Variants in IQCM observed in about 807,000 individuals in gnomAD.
The protein encoded by IQCM is IQ motif containing M, also known as IQ domain-containing protein M.
Under a neutral mutation model 57.6 loss-of-function variants are expected in IQCM, and 45 were observed. The ratio of observed to expected loss-of-function variants is 0.78; its 90% CI spans 0.62 to 1.00. The LOEUF is 1.00. Ranked by LOEUF, IQCM falls within the 50% of genes least tolerant of loss-of-function variation. IQCM has a pLI of 0.00. For synonymous variants in IQCM, 148 were observed against 158.9 expected, an observed-to-expected ratio of 0.93 and a Z score of 0.51; for missense variants, 468 against 511.6, an observed-to-expected ratio of 0.91 and a Z score of 0.82.
intron 13 of IQCM, among the ~76,000 whole-genome samples, chr4:149,420,263 C>G (rs1165172736): frequency 6.6e-6 from 1 of 152,110 alleles, no homozygotes; most frequent in Admixed American, 6.6e-5. Flanking sequence ...CAATGATAGA[C>G]TAGATAAAGA....
chr4:149,509,388 T>C (rs1744172251), intron 12 of IQCM, among the ~76,000 whole-genome samples: 1 of 152,062 alleles, frequency 6.6e-6, no homozygotes, highest in African/African-American at 2.4e-5. Flanking sequence ...AAGTGATTTT[T>C]CTGCCTCAGT....
At chr4:149,686,550 A>C in intron 5 of IQCM, 82 bp from the exon 6 acceptor site, 1 of 477,516 alleles carries the variant, frequency 2.1e-6, no homozygotes, top group East Asian at 3.6e-5. Flanking sequence ...TGCAAATCAC[A>C]GATTTTTAAT....
At chr4:149,434,279 C>T (rs1423790609) in intron 12 of IQCM, among the ~76,000 whole-genome samples, 1 of 152,076 alleles carries the variant, frequency 6.6e-6, no homozygotes, top group Non-Finnish European at 1.5e-5. Context: ...TCTTTGTCAG[C>T]TGAACATGAC....
At chr4:149,792,177 T>C (rs374742757) in intron 2 of IQCM, among the ~76,000 whole-genome samples, 131 of 152,302 alleles carry the variant, frequency 8.6e-4, no homozygotes, top group Non-Finnish European at 1.0e-3. Context: ...CTGAATAGTA[T>C]AGGTTATATT....
At chr4:149,782,450 A>T (rs964713980) in intron 2 of IQCM, among the ~76,000 whole-genome samples, 6 of 151,268 alleles carry the variant, frequency 4.0e-5, no homozygotes, top group Admixed American at 1.3e-4. Context: ...TCTCTCTACA[A>T]TTTTTTTTTA....
chr4:149,501,385 A>C (rs548417909), intron 12 of IQCM, among the ~76,000 whole-genome samples: 1 of 152,302 alleles, frequency 6.6e-6, no homozygotes, highest in Non-Finnish European at 1.5e-5. Context: ...TTGATAAATA[A>C]AACCAACTTG....
intron 7 of IQCM, among the ~76,000 whole-genome samples, chr4:149,631,668 T>G (rs1328626949): frequency 6.6e-6 from 1 of 152,204 alleles, no homozygotes; most frequent in Non-Finnish European, 1.5e-5. Context: ...TAGCTTTTGG[T>G]TTGATCAATT....
At chr4:149,726,491 T>G (rs538571664) in intron 5 of IQCM, among the ~76,000 whole-genome samples, 2 of 152,316 alleles carry the variant, frequency 1.3e-5, no homozygotes, top group Admixed American at 6.5e-5. Flanking sequence ...TTCTGCTTCC[T>G]TTGCTGGATA....
At chr4:149,494,511 TG>T (rs1477943244) in intron 12 of IQCM, among the ~76,000 whole-genome samples, 3 of 152,098 alleles carry the variant, frequency 2.0e-5, no homozygotes, top group Admixed American at 2.0e-4. Context: ...TCAATTTTCA[TG>T]TTTGTGCCCA....
At chr4:149,627,802 A>G (rs1756940170) in intron 7 of IQCM, among the ~76,000 whole-genome samples, 1 of 152,170 alleles carries the variant, frequency 6.6e-6, no homozygotes, top group Non-Finnish European at 1.5e-5. Flanking sequence ...GGGGAGGGAG[A>G]TTATCCGGGA....
At chr4:149,493,947 G>T (rs1210864614) in intron 12 of IQCM, among the ~76,000 whole-genome samples, 1 of 151,048 alleles carries the variant, frequency 6.6e-6, no homozygotes, top group African/African-American at 2.4e-5. Context: ...CTGAAGAGCA[G>T]AATTATAATC....
At chr4:149,353,133 T>C (rs1345977482) in intron 13 of IQCM, among the ~76,000 whole-genome samples, 2 of 152,114 alleles carry the variant, frequency 1.3e-5, no homozygotes, top group Non-Finnish European at 2.9e-5. Flanking sequence ...AGGACCTGAA[T>C]AGGCATTTTT....
intron 13 of IQCM, among the ~76,000 whole-genome samples, chr4:149,401,157 T>C (rs537576827): frequency 2.6e-5 from 4 of 151,810 alleles, no homozygotes; most frequent in Admixed American, 2.0e-4. Flanking sequence ...GATACGATGA[T>C]GTAAGTCCCC....
intron 12 of IQCM, among the ~76,000 whole-genome samples, chr4:149,469,471 T>C (rs538016670): frequency 1.8e-4 from 27 of 152,156 alleles, no homozygotes; most frequent in Admixed American, 4.6e-4. Context: ...TATGGGACTA[T>C]GTGAAAAGAC....
chr4:149,782,359 A>G (rs1445212080), intron 2 of IQCM, among the ~76,000 whole-genome samples: 1 of 152,200 alleles, frequency 6.6e-6, no homozygotes, highest in Non-Finnish European at 1.5e-5. Context: ...TTTTCACACT[A>G]AATATGTAAT....
chr4:149,592,247 T>C (rs930775089), intron 8 of IQCM, among the ~76,000 whole-genome samples: 3 of 152,212 alleles, frequency 2.0e-5, no homozygotes, highest in African/African-American at 4.8e-5. Flanking sequence ...GCTGCATAAA[T>C]GTCTTCTTTT....
At chr4:149,361,997 T>C (rs1729527272) in intron 13 of IQCM, among the ~76,000 whole-genome samples, 1 of 152,094 alleles carries the variant, frequency 6.6e-6, no homozygotes. Flanking sequence ...CCCAAGACCA[T>C]GGGAACCCAC....
intron 13 of IQCM, among the ~76,000 whole-genome samples, chr4:149,365,671 TGAG>T (rs1387294228): frequency 2.0e-5 from 3 of 152,286 alleles, no homozygotes; most frequent in Admixed American, 2.0e-4. Flanking sequence ...ACTGATATGA[TGAG>T]GACACTTCAC....
At chr4:149,696,436 GC>G (rs912895971) in intron 5 of IQCM, among the ~76,000 whole-genome samples, 2 of 152,008 alleles carry the variant, frequency 1.3e-5, no homozygotes, top group Non-Finnish European at 2.9e-5. Context: ...TCTTAAGCCA[GC>G]CTTTTTGTTT....
Sources: gnomAD v4.1 joint callset for allele counts (sites outside exome capture counted in the v4.1 genomes callset) on GRCh38, gnomAD v4.1.1 for gene constraint, MANE v1.5 for transcripts, NCBI Gene and HGNC (gene_info 2026-07-23, HGNC 2026-07-21) for gene names.